EPHA3: variants seen among roughly 807,000 people sequenced by gnomAD.
EPHA3 encodes ephrin type-A receptor 3.
A neutral mutation model predicts 107.1 loss-of-function variants in EPHA3; 42 were observed. The observed-to-expected ratio is 0.39, with a 90% CI of 0.31 to 0.51. The LOEUF is 0.51. Among genes scored for constraint, EPHA3 ranks in the 20% least tolerant of loss-of-function variants. EPHA3 has a pLI of 0.78. For missense variants in EPHA3, 1,183 were observed against 1,211.2 expected, an observed-to-expected ratio of 0.98 and a Z score of 0.35; for synonymous variants, 461 against 424.8, an observed-to-expected ratio of 1.09 and a Z score of -1.05.
intron 15 of EPHA3, among the ~76,000 whole-genome samples, chr3:89,459,382 G>T (rs1156856160): frequency 1.3e-5 from 2 of 151,912 alleles, no homozygotes; most frequent in East Asian, 1.9e-4. Flanking sequence ...AAGAATCAAA[G>T]AAATGTTTCT....
At chr3:89,394,979 T>C (rs1415020510) in intron 5 of EPHA3, among the ~76,000 whole-genome samples, 1 of 152,230 alleles carries the variant, frequency 6.6e-6, no homozygotes, top group Non-Finnish European at 1.5e-5. Flanking sequence ...TTCCTTTTAA[T>C]GGAAGGGTTT....
intron 13 of EPHA3, among the ~76,000 whole-genome samples, chr3:89,443,040 T>C (rs1346602889): frequency 1.3e-5 from 2 of 152,172 alleles, no homozygotes; most frequent in Non-Finnish European, 2.9e-5. Flanking sequence ...AGAAGATAAA[T>C]ATATCAGATA....
rs370876694 is a variant in EPHA3, at chr3:89,272,787, G to T, written c.814+62267G>T. Among the ~76,000 whole-genome samples the T allele has an allele frequency of 1.1e-3, 168 of 152,008 alleles. 1 individual carries two copies. The highest frequency in any genetic ancestry group is 4.0e-3 in the African/African-American group (166 of 41,524). The stretch of plus-strand genomic sequence containing the variant: ...AAAGTAACTATGGAACACATGGAAA[G>T]TTGGAATATTATTGGGATAATGAAA... On this transcript the variant is annotated intron_variant, in intron 3 of 16. Coordinates refer to ENST00000336596, the MANE Select transcript of EPHA3 (RefSeq NM_005233.6).
At chr3:89,258,047 G>C (rs1364397436) in intron 3 of EPHA3, among the ~76,000 whole-genome samples, 1 of 152,204 alleles carries the variant, frequency 6.6e-6, no homozygotes, top group East Asian at 1.9e-4. Context: ...CAGGACTCAT[G>C]AGATAAACTG....
intron 2 of EPHA3, among the ~76,000 whole-genome samples, chr3:89,173,808 A>G (rs1705259261): frequency 6.6e-6 from 1 of 152,052 alleles, no homozygotes; most frequent in Admixed American, 6.5e-5. Flanking sequence ...TTTAAGTTAC[A>G]TATAAAAATA....
At chr3:89,258,564 G>A (rs933368947) in intron 3 of EPHA3, among the ~76,000 whole-genome samples, 5 of 151,910 alleles carry the variant, frequency 3.3e-5, no homozygotes, top group Non-Finnish European at 5.9e-5. Flanking sequence ...AATATATATG[G>A]AAAAATAAAA....
At chr3:89,425,291 G>T (rs1397040994) in intron 11 of EPHA3, among the ~76,000 whole-genome samples, 8 of 150,924 alleles carry the variant, frequency 5.3e-5, no homozygotes, top group Non-Finnish European at 1.2e-4. Flanking sequence ...TATCAGTTAG[G>T]TATGATATGT....
chr3:89,115,437 G>A (rs1473853638), intron 1 of EPHA3, among the ~76,000 whole-genome samples: 2 of 152,050 alleles, frequency 1.3e-5, no homozygotes, highest in Admixed American at 1.3e-4. Flanking sequence ...CCAATATTGG[G>A]AGTAAACATG....
intron 3 of EPHA3, among the ~76,000 whole-genome samples, chr3:89,263,100 G>T (rs1452198417): frequency 1.3e-5 from 2 of 150,328 alleles, no homozygotes; most frequent in Non-Finnish European, 2.9e-5. Context: ...TCTTCATTAG[G>T]TATTTCTCCT....
intron 2 of EPHA3, among the ~76,000 whole-genome samples, chr3:89,154,463 T>C (rs1462420518): frequency 1.3e-5 from 2 of 151,972 alleles, no homozygotes; most frequent in Non-Finnish European, 2.9e-5. Flanking sequence ...CTGCTAATTA[T>C]GTATAAATGA....
At chr3:89,131,143 CAATTCATTTTTCAATGA>C (rs1290091522) in intron 2 of EPHA3, among the ~76,000 whole-genome samples, 5 of 150,868 alleles carry the variant, frequency 3.3e-5, no homozygotes, top group African/African-American at 4.9e-5. Flanking sequence ...TCGTGAATAG[CAATTCATTTTTCAATGA>C]AAGAGTTTTA....
intron 3 of EPHA3, among the ~76,000 whole-genome samples, chr3:89,313,474 T>C (rs943751194): frequency 2.6e-5 from 4 of 151,974 alleles, no homozygotes; most frequent in African/African-American, 9.7e-5. Context: ...TTAGTAAATA[T>C]GTAATTTTCA....
At chr3:89,297,774 C>T (rs564417190) in intron 3 of EPHA3, among the ~76,000 whole-genome samples, 13 of 152,222 alleles carry the variant, frequency 8.5e-5, no homozygotes, top group African/African-American at 3.1e-4. Context: ...GTGGCTCACG[C>T]CTGTAATCCC....
intron 2 of EPHA3, among the ~76,000 whole-genome samples, chr3:89,140,418 T>A (rs1382492511): frequency 6.6e-6 from 1 of 151,794 alleles, no homozygotes; most frequent in Non-Finnish European, 1.5e-5. Flanking sequence ...TGGCTTTATT[T>A]TGTGCTTTCT....
intron 3 of EPHA3, among the ~76,000 whole-genome samples, chr3:89,308,756 G>C (rs1706692715): frequency 1.3e-5 from 2 of 152,052 alleles, no homozygotes; most frequent in South Asian, 4.1e-4. Context: ...ATAGTGGAAA[G>C]GTTTGTGTAA....
At chr3:89,456,316 G>T (rs1710096625) in intron 15 of EPHA3, among the ~76,000 whole-genome samples, 1 of 152,158 alleles carries the variant, frequency 6.6e-6, no homozygotes, top group Non-Finnish European at 1.5e-5. Context: ...TAGTTATTCA[G>T]ATCAGTGCAT....
At chr3:89,368,800 A>G (rs1288493047) in intron 5 of EPHA3, among the ~76,000 whole-genome samples, 2 of 150,192 alleles carry the variant, frequency 1.3e-5, no homozygotes, top group African/African-American at 4.9e-5. Flanking sequence ...AAACACCCCC[A>G]TAGATTCACC....
intron 3 of EPHA3, among the ~76,000 whole-genome samples, chr3:89,284,864 C>T (rs1278857007): frequency 5.9e-5 from 9 of 152,120 alleles, no homozygotes; most frequent in African/African-American, 9.7e-5. Context: ...CGGTGGCTCA[C>T]GCCTGTAATT....
At chr3:89,389,986 T>A (rs1276382685) in intron 5 of EPHA3, among the ~76,000 whole-genome samples, 1 of 152,056 alleles carries the variant, frequency 6.6e-6, no homozygotes, top group Non-Finnish European at 1.5e-5. Context: ...GAGGTTCAAT[T>A]ATTAACTTTT....
Sources: allele counts gnomAD v4.1 joint callset (sites outside exome capture counted in the v4.1 genomes callset), GRCh38; gene constraint gnomAD v4.1.1; transcripts MANE v1.5; gene names NCBI Gene and HGNC (gene_info 2026-07-23, HGNC 2026-07-21).